Variants in SUGCT observed in about 807,000 individuals in gnomAD.
The protein encoded by SUGCT is succinyl-CoA:glutarate CoA-transferase.
A neutral mutation model predicts 55.0 loss-of-function variants in SUGCT; 41 were observed. That is an observed-to-expected ratio of 0.74 (90% CI 0.58 to 0.97). The LOEUF is 0.97. Ranked by LOEUF, SUGCT falls within the 50% of genes least tolerant of loss-of-function variation. The probability of loss-of-function intolerance (pLI) is 0.00; values close to 1 mark genes in which losing one functional copy is unlikely to be tolerated. For synonymous variants in SUGCT, 187 were observed against 200.4 expected (o/e 0.93, Z 0.56); for missense variants, 568 against 547.8 (o/e 1.04, Z -0.37).
chr7:40,467,259 A>G (rs911008815), intron 11 of SUGCT, among the ~76,000 whole-genome samples: 6 of 151,270 alleles, frequency 4.0e-5, no homozygotes, highest in Admixed American at 6.6e-5. Context: ...TTGAGCATGC[A>G]GCAGTACTCA....
At chr7:40,451,902 A>G (rs1789211211) in intron 10 of SUGCT, among the ~76,000 whole-genome samples, 1 of 152,190 alleles carries the variant, frequency 6.6e-6, no homozygotes, top group Non-Finnish European at 1.5e-5. Flanking sequence ...GGGCTTATAG[A>G]AGATGGGGTT....
chr7:40,326,120 A>G (rs1296372324), intron 9 of SUGCT, among the ~76,000 whole-genome samples: 1 of 152,080 alleles, frequency 6.6e-6, no homozygotes, highest in Non-Finnish European at 1.5e-5. Context: ...CAAACCAATT[A>G]AAACATAATT....
At chr7:40,433,405 C>T (rs7782097) in intron 9 of SUGCT, among the ~76,000 whole-genome samples, 1 of 151,484 alleles carries the variant, frequency 6.6e-6, no homozygotes, top group East Asian at 1.9e-4. Context: ...ACATATAATT[C>T]AGATTCACAA....
At chr7:40,163,726 C>T (rs1784289679) in intron 1 of SUGCT, among the ~76,000 whole-genome samples, 1 of 151,914 alleles carries the variant, frequency 6.6e-6, no homozygotes, top group Admixed American at 6.6e-5. Context: ...GATTTATACC[C>T]AAAACACTAC....
chr7:40,477,972 A>G (rs578156385), intron 11 of SUGCT, among the ~76,000 whole-genome samples: 4 of 152,234 alleles, frequency 2.6e-5, no homozygotes, highest in East Asian at 1.9e-4. Flanking sequence ...AGCATCCCCA[A>G]CAAATTATTG....
At chr7:40,676,734 G>A (rs915479916) in intron 12 of SUGCT, among the ~76,000 whole-genome samples, 4 of 151,832 alleles carry the variant, frequency 2.6e-5, no homozygotes, top group African/African-American at 4.8e-5. Flanking sequence ...AACTCCTGAC[G>A]TCAGGTGATC....
intron 12 of SUGCT, among the ~76,000 whole-genome samples, chr7:40,599,102 C>T (rs1584098022): frequency 6.6e-6 from 1 of 152,074 alleles, no homozygotes. Context: ...TCCGATGCCA[C>T]GGGAAGCAGG....
chr7:40,772,622 T>TCTAC lies in SUGCT; in HGVS notation c.1153+23128_1153+23129insCCTA, dbSNP rs1278706587. Among the ~76,000 whole-genome samples the TCTAC allele has an allele frequency of 1.1e-4, 16 of 150,842 alleles. 1 individual carries two copies. Among genetic ancestry groups the TCTAC allele is most frequent in the African/African-American group, 3.9e-4 (16 of 41,016 alleles). On this transcript the variant is annotated intron_variant, in intron 13 of 13. Transcript: ENST00000335693. ...ATCTATCTATCTATCTATCTATCTA[T>TCTAC]CTATCTATCTCTATCATTTACTTTT...
chr7:40,435,559 TA>T (rs753941803), intron 9 of SUGCT, among the ~76,000 whole-genome samples: 4 of 152,300 alleles, frequency 2.6e-5, no homozygotes, highest in Admixed American at 6.5e-5. Context: ...GACGCTTAAC[TA>T]ACTAGCATCT....
chr7:40,996,129 G>A, the SUGCT span, among the ~76,000 whole-genome samples: 1 of 152,192 alleles, frequency 6.6e-6, no homozygotes, highest in Non-Finnish European at 1.5e-5. Context: ...ATGAATGCAT[G>A]GACCAAATCT....
chr7:40,583,596 C>T lies in SUGCT; in HGVS notation c.1089+87210C>T, dbSNP rs140330225. 5.3e-3 allele frequency among the ~76,000 whole-genome samples: 809 copies of T among 152,296 alleles called. 5 individuals are homozygous for T. The highest frequency in any genetic ancestry group is 0.017 in the Middle Eastern group (5 of 294). Reference sequence around the variant, plus strand: ...TTCAGAATTGAAAAGAAGGTTTCCACATTAAACCAATGGCTCTTTTGGCAT... The same window carrying T: ...TTCAGAATTGAAAAGAAGGTTTCCATATTAAACCAATGGCTCTTTTGGCAT... On this transcript the variant is annotated intron_variant, in intron 12 of 13. Transcript: ENST00000335693.
the SUGCT span, among the ~76,000 whole-genome samples, chr7:40,937,407 G>A: frequency 3.3e-5 from 5 of 152,172 alleles, no homozygotes; most frequent in Non-Finnish European, 7.3e-5. Context: ...CTGACCTCAG[G>A]TGATCCACCT....
intron 8 of SUGCT, among the ~76,000 whole-genome samples, chr7:40,310,247 A>C (rs959057752): frequency 5.9e-5 from 9 of 152,240 alleles, no homozygotes; most frequent in African/African-American, 2.2e-4. Context: ...TCATAACTCC[A>C]GTCTAATTAT....
At chr7:40,291,336 T>G (rs1349126053) in intron 8 of SUGCT, among the ~76,000 whole-genome samples, 2 of 151,084 alleles carry the variant, frequency 1.3e-5, no homozygotes, top group African/African-American at 4.9e-5. Flanking sequence ...TAAAAAATGA[T>G]GAGTTCATGT....
intron 9 of SUGCT, among the ~76,000 whole-genome samples, chr7:40,331,577 C>T (rs558774711): frequency 6.9e-6 from 1 of 144,426 alleles, no homozygotes; most frequent in African/African-American, 2.6e-5. Flanking sequence ...CAGTACTACA[C>T]GAGCTCAGAG....
chr7:40,298,547 T>C (rs4723943), intron 8 of SUGCT, among the ~76,000 whole-genome samples: 151,411 of 152,262 alleles, frequency 0.99, 75,286 homozygotes, highest in South Asian at 1. Context: ...GAGACTGATA[T>C]GTGCAATCAT....
intron 13 of SUGCT, among the ~76,000 whole-genome samples, chr7:40,752,453 T>G (rs1377832050): frequency 3.3e-5 from 5 of 152,172 alleles, no homozygotes; most frequent in Non-Finnish European, 7.4e-5. Flanking sequence ...CCTCCCAGGT[T>G]TAAGCAATTC....
chr7:40,929,405 G>A, the SUGCT span, among the ~76,000 whole-genome samples: 1 of 152,130 alleles, frequency 6.6e-6, no homozygotes, highest in Admixed American at 6.5e-5. Flanking sequence ...TGTCTTTATA[G>A]AAGCATGATT....
chr7:40,710,872 C>G (rs961558290), intron 12 of SUGCT, among the ~76,000 whole-genome samples: 17 of 152,106 alleles, frequency 1.1e-4, no homozygotes, highest in Admixed American at 1.1e-3. Flanking sequence ...AAAATAAACT[C>G]AAGGTTTGCC....
Sources: gnomAD v4.1 joint callset for allele counts (sites outside exome capture counted in the v4.1 genomes callset) on GRCh38, gnomAD v4.1.1 for gene constraint, MANE v1.5 for transcripts, NCBI Gene and HGNC (gene_info 2026-07-23, HGNC 2026-07-21) for gene names.